Variants in FAM13A observed in about 807,000 individuals in gnomAD.
FAM13A encodes family with sequence similarity 13 member A.
Under a neutral mutation model 129.6 loss-of-function variants are expected in FAM13A, and 76 were observed. That is an observed-to-expected ratio of 0.59 (90% confidence interval 0.49 to 0.71). The LOEUF is 0.71. Among genes scored for constraint, FAM13A ranks in the 30% least tolerant of loss-of-function variants. The probability of loss-of-function intolerance (pLI) is 0.00; values close to 1 mark genes in which losing one functional copy is unlikely to be tolerated. For synonymous variants in FAM13A, 443 were observed against 449.9 expected (o/e 0.98, Z 0.20); for missense variants, 1,108 against 1,249.3 (o/e 0.89, Z 1.70).
At chr4:88,908,890 C>T (rs1164112095) in intron 5 of FAM13A, among the ~76,000 whole-genome samples, 3 of 152,160 alleles carry the variant, frequency 2.0e-5, no homozygotes, top group African/African-American at 7.2e-5. Context: ...GGCTGCAGAG[C>T]CACAGGACAC....
At chr4:88,903,297 C>A (rs1332763139) in intron 6 of FAM13A, among the ~76,000 whole-genome samples, 1 of 151,982 alleles carries the variant, frequency 6.6e-6, no homozygotes. Flanking sequence ...CAAGCCTAAG[C>A]AAAAAGAACA....
Position 88,991,061 on chromosome 4 carries a change from G to A in FAM13A, c.517C>T (p.Gln173Ter), listed in dbSNP as rs781593546. 48 of 1,613,780 alleles carry A rather than the reference G, an allele frequency of 3.0e-5. No homozygotes were observed. The Admixed American group carries it at 7.8e-4, about 26-fold the overall frequency. ...THYCLLKYLC[Q>*]FLTKVAKHHV... ...TGCTTGGCTACTTTTGTCAAGAACT[G>A]GCAAAGGTACTTGAGGAGGCAGTAG... Residue 173 changes from glutamine to a stop codon, truncating the protein, a stop_gained, in exon 4 of 24, where the codon CAG (glutamine) becomes TAG (stop). Transcript: ENST00000264344. LOFTEE classifies it high-confidence loss of function.
chr4:88,928,461 C>T (rs1269378603), intron 5 of FAM13A, among the ~76,000 whole-genome samples: 3 of 152,048 alleles, frequency 2.0e-5, no homozygotes, highest in Non-Finnish European at 4.4e-5. Context: ...TTTCTTTATG[C>T]CTAGAAATAT....
chr4:89,007,922 T>G (rs542645729), intron 3 of FAM13A, among the ~76,000 whole-genome samples: 7 of 152,354 alleles, frequency 4.6e-5, no homozygotes, highest in Non-Finnish European at 8.8e-5. Flanking sequence ...CACCCATTAC[T>G]GTCATCAGTC....
At chr4:88,849,573 C>T (rs1737207360) in intron 7 of FAM13A, among the ~76,000 whole-genome samples, 1 of 152,200 alleles carries the variant, frequency 6.6e-6, no homozygotes, top group Non-Finnish European at 1.5e-5. Context: ...ATCTTTGCAT[C>T]AGTCTATTAA....
chr4:88,835,539 T>C (rs773753042), intron 7 of FAM13A, among the ~76,000 whole-genome samples: 1 of 152,168 alleles, frequency 6.6e-6, no homozygotes, highest in Non-Finnish European at 1.5e-5. Flanking sequence ...TATTATTGCA[T>C]TGTAATATAT....
rs376249864 is a variant in FAM13A, at chr4:88,912,789, C to A, written c.760-6327G>T. ...TACTAAAGAGAAGTCTAAGCCTGGGCAACCTAGTGAGACTCTGTCTCTACA... is the reference window on the plus strand; with the variant it reads ...TACTAAAGAGAAGTCTAAGCCTGGGAAACCTAGTGAGACTCTGTCTCTACA... On this transcript the variant is annotated intron_variant, in intron 5 of 23. Transcript: ENST00000264344. Among the ~76,000 whole-genome samples the A allele has an allele frequency of 1.9e-4, 29 of 152,156 alleles. 2 individuals are homozygous for A. The highest frequency in any genetic ancestry group is 6.7e-4 in the African/African-American group (28 of 41,508).
At chr4:88,982,294 C>T (rs887470977) in intron 4 of FAM13A, among the ~76,000 whole-genome samples, 3 of 152,244 alleles carry the variant, frequency 2.0e-5, no homozygotes, top group Non-Finnish European at 4.4e-5. Context: ...GTCATGTCTT[C>T]CATCTCATGT....
At chr4:89,037,991 G>A (rs1173425937) in intron 1 of FAM13A, among the ~76,000 whole-genome samples, 3 of 152,152 alleles carry the variant, frequency 2.0e-5, no homozygotes, top group Non-Finnish European at 4.4e-5. Flanking sequence ...GTTCTTTATA[G>A]CAATGTGAGA....
At chr4:88,820,851 C>T (rs1452156896) in intron 7 of FAM13A, among the ~76,000 whole-genome samples, 1 of 152,206 alleles carries the variant, frequency 6.6e-6, no homozygotes, top group Non-Finnish European at 1.5e-5. Context: ...GCATTGAACT[C>T]TCTGCTAAAT....
intron 6 of FAM13A, among the ~76,000 whole-genome samples, chr4:88,861,367 CA>C (rs1739456434): frequency 8.5e-6 from 1 of 117,478 alleles, no homozygotes; most frequent in Non-Finnish European, 1.6e-5. Flanking sequence ...GGCAACAGAG[CA>C]AGACTCCGTC....
At chr4:88,953,442 G>A (rs931301288) in intron 4 of FAM13A, among the ~76,000 whole-genome samples, 1 of 152,116 alleles carries the variant, frequency 6.6e-6, no homozygotes, top group Admixed American at 6.6e-5. Flanking sequence ...GTGACAGAGC[G>A]AGACTCTATC....
At chr4:88,734,908 G>T (rs1426838786) in intron 21 of FAM13A, among the ~76,000 whole-genome samples, 1 of 152,260 alleles carries the variant, frequency 6.6e-6, no homozygotes, top group African/African-American at 2.4e-5. Context: ...CAGTCATCCA[G>T]ATCAATGTAA....
intron 17 of FAM13A, 35 bp from the exon 18 acceptor site, chr4:88,747,886 GATTT>G (rs758791828): frequency 1.3e-4 from 179 of 1,409,330 alleles, no homozygotes; most frequent in Non-Finnish European, 1.6e-4. Flanking sequence ...AGATATATGA[GATTT>G]ATTTATTTAT....
At chr4:88,763,954 T>C (rs1355523857) in intron 13 of FAM13A, among the ~76,000 whole-genome samples, 2 of 152,234 alleles carry the variant, frequency 1.3e-5, no homozygotes, top group African/African-American at 4.8e-5. Flanking sequence ...ATTTTTCTGG[T>C]TATAATATTA....
intron 1 of FAM13A, among the ~76,000 whole-genome samples, chr4:89,053,359 T>C (rs982228037): frequency 1.3e-5 from 2 of 152,166 alleles, no homozygotes; most frequent in Non-Finnish European, 2.9e-5. Context: ...AACACAGAAT[T>C]CAGGGAGTGT....
chr4:88,931,679 C>T (rs1396740277), intron 5 of FAM13A, among the ~76,000 whole-genome samples: 1 of 152,178 alleles, frequency 6.6e-6, no homozygotes, highest in Non-Finnish European at 1.5e-5. Context: ...TTAATCATTG[C>T]ATTTTAAAAA....
intron 9 of FAM13A, among the ~76,000 whole-genome samples, chr4:88,789,694 T>C (rs1578667079): frequency 1.3e-5 from 2 of 152,274 alleles, no homozygotes; most frequent in Non-Finnish European, 2.9e-5. Context: ...AGATAGATAA[T>C]AAAGAAATAA....
chr4:89,013,281 T>A (rs920938605), intron 3 of FAM13A, among the ~76,000 whole-genome samples: 13 of 149,648 alleles, frequency 8.7e-5, no homozygotes, highest in African/African-American at 2.7e-4. Context: ...TATATATATA[T>A]AACACAGTAT....
Sources: allele counts gnomAD v4.1 joint callset (sites outside exome capture counted in the v4.1 genomes callset), GRCh38; gene constraint gnomAD v4.1.1; transcripts MANE v1.5; gene names NCBI Gene and HGNC (gene_info 2026-07-23, HGNC 2026-07-21).